The following PPP2R1B variants were observed in gnomAD, a reference collection of about 807,000 sequenced individuals.
The protein encoded by PPP2R1B is protein phosphatase 2 scaffold subunit Abeta.
Under a neutral mutation model 72.7 loss-of-function variants are expected in PPP2R1B, and 58 were observed. The ratio of observed to expected loss-of-function variants is 0.80; its 90% CI spans 0.65 to 0.99. The LOEUF is 0.99. Ranked by LOEUF, PPP2R1B falls within the 50% of genes least tolerant of loss-of-function variation. The pLI is 0.00. For missense variants in PPP2R1B, 695 were observed against 733.6 expected, an observed-to-expected ratio of 0.95 and a Z score of 0.61; for synonymous variants, 256 against 264.6, an observed-to-expected ratio of 0.97 and a Z score of 0.32.
chr11:111,731,934 A>T (rs748419513), intron 15 of PPP2R1B, among the ~76,000 whole-genome samples: 1 of 152,216 alleles, frequency 6.6e-6, no homozygotes, highest in African/African-American at 2.4e-5. Context: ...CCAATGCCCC[A>T]GGACGCAGGC....
the PPP2R1B span, chr11:111,721,140 T>G: frequency 6.7e-7 from 1 of 1,485,146 alleles, no homozygotes; most frequent in Admixed American, 2.3e-5. Flanking sequence ...TCATTTTCAC[T>G]TAGAGGATTT....
At chr11:111,732,122 C>A (rs1327415544) in intron 15 of PPP2R1B, among the ~76,000 whole-genome samples, 1 of 152,238 alleles carries the variant, frequency 6.6e-6, no homozygotes, top group African/African-American at 2.4e-5. Flanking sequence ...GCAGTGCCTG[C>A]ACTTCCCAAG....
intron 6 of PPP2R1B, 75 bp from the exon 7 acceptor site, chr11:111,755,169 C>G: frequency 6.5e-7 from 1 of 1,532,256 alleles, no homozygotes; most frequent in Admixed American, 2.0e-5. Flanking sequence ...ATTGTGCAAT[C>G]TGTAAATACA....
intron 5 of PPP2R1B, among the ~76,000 whole-genome samples, chr11:111,758,342 A>G (rs2136099899): frequency 6.6e-6 from 1 of 152,340 alleles, no homozygotes; most frequent in East Asian, 1.9e-4. Context: ...CTGTAATCCC[A>G]GCACTTTGGG....
chr11:111,705,709 G>GGT, the PPP2R1B span, among the ~76,000 whole-genome samples: 1 of 152,292 alleles, frequency 6.6e-6, no homozygotes, highest in Admixed American at 6.5e-5. The surrounding 1 kb of genome is among the most constrained non-coding windows in gnomAD (Gnocchi z 4.3). Context: ...TGAATGCCAA[G>GGT]GTAAAGAGTT....
At position 111,741,299 on chromosome 11, in the gene PPP2R1B, C is replaced by T. The variant is rs1258362122; in HGVS notation, c.*297G>A. 8.3e-7 allele frequency: 1 copy of T among 1,200,518 alleles called. No homozygotes were observed. The highest frequency in any genetic ancestry group is 2.5e-5 in the South Asian group (1 of 40,570). The allele number at this position is 1,200,518 out of a possible 1,614,324, so 74.4% of individuals were successfully genotyped here. A position where few individuals can be genotyped will look rare whatever the true frequency, so the allele number is the denominator to read the frequency against. ...ACATTATGTGGCTGGTGCCTGATTC[C>T]ACAGTGAGGATGCAGGAGCCCAGGT... On this transcript the variant is annotated 3_prime_UTR_variant, in exon 15 of 15. Coordinates refer to ENST00000527614, the MANE Select transcript of PPP2R1B (RefSeq NM_002716.5).
chr11:111,753,321 AAAT>A (rs1944980856), intron 9 of PPP2R1B, 119 bp downstream of exon 9: 1 of 1,349,760 alleles, frequency 7.4e-7, no homozygotes, highest in South Asian at 1.4e-5. Flanking sequence ...CATTGGTTTA[AAAT>A]AAGTTATGAT....
the PPP2R1B span, among the ~76,000 whole-genome samples, chr11:111,691,396 G>A: frequency 2.0e-5 from 3 of 152,044 alleles, no homozygotes; most frequent in African/African-American, 4.8e-5. Flanking sequence ...CTTGGGAGCC[G>A]CTTAGCTATT....
chr11:111,703,250 C>T, the PPP2R1B span: 1 of 1,614,176 alleles, frequency 6.2e-7, no homozygotes, highest in Non-Finnish European at 8.5e-7. Flanking sequence ...CCCATCCAAA[C>T]GGCTAACCAT....
chr11:111,721,976 C>T, downstream of PPP2R1B: 1 of 1,472,406 alleles, frequency 6.8e-7, no homozygotes, highest in Non-Finnish European at 9.2e-7. Context: ...CCTCACTCTG[C>T]TCATCCAGAA....
chr11:111,719,805 C>T, the PPP2R1B span: 3 of 1,614,026 alleles, frequency 1.9e-6, no homozygotes, highest in South Asian at 1.1e-5. Context: ...CCCTGTGCCT[C>T]CTGTCCTGGT....
downstream of PPP2R1B, chr11:111,723,605 C>T (rs1003816615): frequency 1.9e-6 from 3 of 1,614,096 alleles, no homozygotes; most frequent in African/African-American, 2.7e-5. Flanking sequence ...GCAGCTGCCC[C>T]TTCCCCGCCA....
At chr11:111,697,348 AGAT>A in the PPP2R1B span, among the ~76,000 whole-genome samples, 2 of 152,232 alleles carry the variant, frequency 1.3e-5, no homozygotes, top group South Asian at 4.1e-4. Context: ...TGTTGTCTGC[AGAT>A]GATATGCTGA....
At chr11:111,709,721 C>T in the PPP2R1B span, among the ~76,000 whole-genome samples, 1 of 152,174 alleles carries the variant, frequency 6.6e-6, no homozygotes, top group Non-Finnish European at 1.5e-5. Context: ...CTTTGGTCCC[C>T]TCAGTGATCA....
the PPP2R1B span, chr11:111,688,039 G>A: frequency 5.6e-6 from 9 of 1,614,176 alleles, no homozygotes. This position sits in a 1 kb window ranked among gnomAD's most constrained non-coding sequence, Gnocchi z 4.2. Context: ...TGAGTCTGAA[G>A]CCAGGCGAAA....
downstream of PPP2R1B, chr11:111,722,556 GA>G: frequency 9.5e-7 from 1 of 1,047,752 alleles, no homozygotes. This position sits in a 1 kb window ranked among gnomAD's most constrained non-coding sequence, Gnocchi z 4.4. Context: ...ACCCCGTGTG[GA>G]TTCTGTAGAA....
intron 3 of PPP2R1B, among the ~76,000 whole-genome samples, chr11:111,762,917 G>A (rs943369240): frequency 1.3e-5 from 2 of 152,124 alleles, no homozygotes; most frequent in African/African-American, 2.4e-5. Flanking sequence ...ATTATTATTG[G>A]TATATTCTAG....
chr11:111,721,937 C>T, downstream of PPP2R1B: 1 of 1,591,322 alleles, frequency 6.3e-7, no homozygotes, highest in Non-Finnish European at 8.5e-7. Flanking sequence ...AGCACAGACT[C>T]CAGGTGGGTC....
chr11:111,702,843 A>G, the PPP2R1B span, among the ~76,000 whole-genome samples: 1 of 152,206 alleles, frequency 6.6e-6, no homozygotes, highest in Admixed American at 6.5e-5. Context: ...GTATATCAGC[A>G]TTAGATATGA....
Sources: allele counts gnomAD v4.1 joint callset (sites outside exome capture counted in the v4.1 genomes callset), GRCh38; gene constraint gnomAD v4.1.1; non-coding constraint Gnocchi (gnomAD v3.1); transcripts MANE v1.5; gene names NCBI Gene and HGNC (gene_info 2026-07-23, HGNC 2026-07-21).